Variants in MALRD1 observed in about 807,000 individuals in gnomAD.
The protein encoded by MALRD1 is MAM and LDL receptor class A domain containing 1.
Under a neutral mutation model 242.1 loss-of-function variants are expected in MALRD1, and 247 were observed. The observed-to-expected ratio is 1.02, with a 90% CI of 0.92 to 1.13. The LOEUF (loss-of-function observed/expected upper bound fraction) is 1.13, where lower values mean the gene tolerates loss of function less well. Among genes scored for constraint, MALRD1 ranks in the 50% most tolerant of loss-of-function variants. The probability of loss-of-function intolerance (pLI) is 0.00; values close to 1 mark genes in which losing one functional copy is unlikely to be tolerated. For missense variants in MALRD1, 2,989 were observed against 2,533.1 expected, an observed-to-expected ratio of 1.18 and a Z score of -3.86; for synonymous variants, 995 against 866.6, an observed-to-expected ratio of 1.15 and a Z score of -2.60.
intron 38 of MALRD1, among the ~76,000 whole-genome samples, chr10:19,721,147 T>A (rs533206059): frequency 6.6e-6 from 1 of 152,226 alleles, no homozygotes; most frequent in African/African-American, 2.4e-5. Context: ...CAGAGGGAAA[T>A]ATATTTAATG....
At chr10:19,490,346 A>G (rs540435221) in intron 29 of MALRD1, among the ~76,000 whole-genome samples, 1 of 152,252 alleles carries the variant, frequency 6.6e-6, no homozygotes, top group South Asian at 2.1e-4. Flanking sequence ...TTAGACATTT[A>G]AATAATCTTA....
At position 19,692,331 on chromosome 10, in the gene MALRD1, C is replaced by T. The variant is rs1178498350; in HGVS notation, c.6187C>T (p.Pro2063Ser). 3 of 1,535,328 alleles carry T rather than the reference C, an allele frequency of 2.0e-6. No homozygotes were observed. The highest frequency in any genetic ancestry group is 2.6e-6 in the Non-Finnish European group (3 of 1,146,522). ...TCGATGCCATATCAAGTTTAATCCT[C>T]CTGCTACAGACTTCACATACGCTCA... ...GNRCHIKFNP[P>S]ATDFTYAQNN... Residue 2063 changes from proline (P) to serine (S), a missense_variant, in exon 37 of 40, where the codon CCT becomes TCT. Coordinates refer to ENST00000454679, the MANE Select transcript of MALRD1 (RefSeq NM_001142308.3).
At chr10:19,607,153 A>T (rs1434789545) in intron 34 of MALRD1, among the ~76,000 whole-genome samples, 1 of 152,182 alleles carries the variant, frequency 6.6e-6, no homozygotes, top group Non-Finnish European at 1.5e-5. Flanking sequence ...AAGTCAGATC[A>T]GTGTCTGCTT....
chr10:19,486,665 G>A (rs1296263342), intron 29 of MALRD1, among the ~76,000 whole-genome samples: 1 of 152,096 alleles, frequency 6.6e-6, no homozygotes, highest in African/African-American at 2.4e-5. Flanking sequence ...GAAACTTGCC[G>A]TCTGGAATCT....
chr10:19,606,125 G>A (rs1300811552), intron 34 of MALRD1, among the ~76,000 whole-genome samples: 1 of 151,902 alleles, frequency 6.6e-6, no homozygotes, highest in Non-Finnish European at 1.5e-5. Flanking sequence ...AATTACCTAT[G>A]ATAAGTAAAA....
chr10:19,539,057 G>A (rs934857498), intron 32 of MALRD1, among the ~76,000 whole-genome samples: 1 of 152,108 alleles, frequency 6.6e-6, no homozygotes, highest in Admixed American at 6.6e-5. Flanking sequence ...TTGTTTCAAT[G>A]TAATATTTAG....
chr10:19,354,974 A>G (rs1844559637), intron 26 of MALRD1, among the ~76,000 whole-genome samples: 1 of 152,204 alleles, frequency 6.6e-6, no homozygotes. Context: ...TAAAACATTC[A>G]GCTGAGGATA....
intron 1 of MALRD1, among the ~76,000 whole-genome samples, chr10:19,060,133 G>T (rs1590371615): frequency 6.6e-6 from 1 of 152,132 alleles, no homozygotes; most frequent in Non-Finnish European, 1.5e-5. Flanking sequence ...TTGGAGCATA[G>T]TGTCTGGGCT....
At chr10:19,612,988 T>C (rs1165861947) in intron 35 of MALRD1, among the ~76,000 whole-genome samples, 1 of 152,006 alleles carries the variant, frequency 6.6e-6, no homozygotes, top group Non-Finnish European at 1.5e-5. Context: ...TGCCACCCTT[T>C]CCTTGTATGT....
At chr10:19,544,134 A>G (rs1051930388) in intron 32 of MALRD1, among the ~76,000 whole-genome samples, 4 of 150,686 alleles carry the variant, frequency 2.7e-5, no homozygotes, top group Non-Finnish European at 5.9e-5. Context: ...TGTGTTTTCT[A>G]CTGGTATTTT....
chr10:19,403,164 CAAAA>C (rs796811427), intron 28 of MALRD1, among the ~76,000 whole-genome samples: 1 of 149,782 alleles, frequency 6.7e-6, no homozygotes, highest in Non-Finnish European at 1.5e-5. Context: ...TTATGTTTTC[CAAAA>C]AAAAAGTCTA....
At chr10:19,096,660 C>T (rs992938455) in intron 4 of MALRD1, among the ~76,000 whole-genome samples, 2 of 152,146 alleles carry the variant, frequency 1.3e-5, no homozygotes, top group African/African-American at 4.8e-5. Context: ...TTGTGAGGGG[C>T]TTATTCAAGG....
intron 5 of MALRD1, among the ~76,000 whole-genome samples, chr10:19,117,590 A>C (rs991349224): frequency 2.6e-5 from 4 of 152,176 alleles, no homozygotes; most frequent in African/African-American, 7.2e-5. Flanking sequence ...TACAGTTTTA[A>C]TTGTTTCATG....
chr10:19,373,376 T>A lies in MALRD1; in HGVS notation c.4442-14152T>A, dbSNP rs1845472612. 4.0e-5 allele frequency among the ~76,000 whole-genome samples: 6 copies of A among 151,388 alleles called. No homozygotes were observed. In the South Asian group the frequency reaches 1.3e-3, roughly 32 times the overall value. ...ACAACAACAAAAAAATGTAGCCAGA[T>A]GTGGTGGTGGCGGGTGCCTGTAATT... On this transcript the variant is annotated intron_variant, in intron 26 of 39. Coordinates refer to ENST00000454679, the MANE Select transcript of MALRD1 (RefSeq NM_001142308.3).
Position 19,280,002 on chromosome 10 carries a change from C to G in MALRD1, c.3080-45C>G, listed in dbSNP as rs1490497993. ...GTAAAATCTCTAAAGCAGTAGAAAA[C>G]CAGAAAACCTGCTAAATGATGCCTG... is the stretch of plus-strand genomic sequence containing the variant. On this transcript the variant is annotated intron_variant, in intron 19 of 39. Transcript: ENST00000454679. 5 of 1,394,564 alleles carry G rather than the reference C, an allele frequency of 3.6e-6. No homozygotes were observed. In the Admixed American group the frequency reaches 9.7e-5, roughly 27 times the overall value. 86.4% of individuals were successfully genotyped at this position (1,394,564 alleles called of 1,614,324 possible). A position where few individuals can be genotyped will look rare whatever the true frequency, so the allele number is the denominator to read the frequency against.
intron 36 of MALRD1, among the ~76,000 whole-genome samples, chr10:19,641,891 A>G (rs1589347709): frequency 6.6e-6 from 1 of 152,290 alleles, no homozygotes; most frequent in East Asian, 1.9e-4. Flanking sequence ...GTTACAACCC[A>G]CAGATCTAAA....
At chr10:19,590,691 T>C (rs902509825) in intron 33 of MALRD1, among the ~76,000 whole-genome samples, 1 of 152,136 alleles carries the variant, frequency 6.6e-6, no homozygotes, top group South Asian at 2.1e-4. Context: ...TTAATACGTG[T>C]ATATATACAT....
chr10:19,651,908 T>C (rs1840910364), intron 36 of MALRD1, among the ~76,000 whole-genome samples: 1 of 152,096 alleles, frequency 6.6e-6, no homozygotes, highest in Non-Finnish European at 1.5e-5. Context: ...ACAGAAACAC[T>C]TGGAGGTCTG....
chr10:19,719,244 A>ATGTATG (rs1554830473), intron 38 of MALRD1, among the ~76,000 whole-genome samples: 1 of 96,936 alleles, frequency 1.0e-5, no homozygotes, highest in Non-Finnish European at 1.9e-5. Flanking sequence ...ATATATATAT[A>ATGTATG]TATATATATA....
Sources: allele counts gnomAD v4.1 joint callset (sites outside exome capture counted in the v4.1 genomes callset), GRCh38; gene constraint gnomAD v4.1.1; transcripts MANE v1.5; gene names NCBI Gene and HGNC (gene_info 2026-07-23, HGNC 2026-07-21).